Variants in LARGE1 observed in about 807,000 individuals in gnomAD.
LARGE1 encodes the protein xylosyl- and glucuronyltransferase LARGE1.
In LARGE1, 43 loss-of-function variants were observed where a neutral mutation model predicts 87.6. The observed-to-expected ratio is 0.49, with a 90% CI of 0.38 to 0.63. The LOEUF (loss-of-function observed/expected upper bound fraction) is 0.63, where lower values mean the gene tolerates loss of function less well. LARGE1 is among the 30% of genes least tolerant of loss of function. The pLI, the probability that LARGE1 is intolerant of heterozygous loss-of-function variation, is 0.00. For missense variants in LARGE1, 802 were observed against 1,000.2 expected, an observed-to-expected ratio of 0.80 and a Z score of 2.67; for synonymous variants, 434 against 394.6, an observed-to-expected ratio of 1.10 and a Z score of -1.18.
intron 6 of LARGE1, among the ~76,000 whole-genome samples, chr22:33,500,640 G>A (rs1047460169): frequency 2.0e-5 from 3 of 152,100 alleles, no homozygotes; most frequent in Non-Finnish European, 4.4e-5. Context: ...TTTGACTTCA[G>A]GCAAACTACT....
chr22:33,209,496 C>T (rs1298853927), intron 11 of LARGE1, among the ~76,000 whole-genome samples: 3 of 152,176 alleles, frequency 2.0e-5, no homozygotes, highest in African/African-American at 7.2e-5. Flanking sequence ...CTGACCCCTG[C>T]TCCAAAAAAT....
intron 1 of LARGE1, among the ~76,000 whole-genome samples, chr22:33,876,542 A>G (rs1466583862): frequency 6.6e-6 from 1 of 152,158 alleles, no homozygotes; most frequent in Non-Finnish European, 1.5e-5. Flanking sequence ...AAACTAACAC[A>G]GGAACAGAAA....
intron 1 of LARGE1, among the ~76,000 whole-genome samples, chr22:33,894,244 C>T (rs369060677): frequency 2.8e-4 from 43 of 152,298 alleles, no homozygotes; most frequent in African/African-American, 1.0e-3. Flanking sequence ...GCTGCCTATG[C>T]AGATCACCTG....
At chr22:33,245,039 T>C (rs150608276) in intron 11 of LARGE1, among the ~76,000 whole-genome samples, 2 of 152,352 alleles carry the variant, frequency 1.3e-5, no homozygotes, top group Non-Finnish European at 2.9e-5. Flanking sequence ...GTGTAAGCAA[T>C]GAAACCAGCC....
At chr22:33,070,875 G>A in the LARGE1 span, among the ~76,000 whole-genome samples, 1 of 152,170 alleles carries the variant, frequency 6.6e-6, no homozygotes, top group Non-Finnish European at 1.5e-5. Flanking sequence ...AGTAGTTTGG[G>A]TTTCTTAAAG....
chr22:33,499,851 G>C (rs1164255397), intron 6 of LARGE1, among the ~76,000 whole-genome samples: 3 of 152,166 alleles, frequency 2.0e-5, no homozygotes, highest in Non-Finnish European at 2.9e-5. Flanking sequence ...TCGGCTCACT[G>C]CAACCTCCGC....
chr22:33,894,373 C>T (rs1288498854), intron 1 of LARGE1, among the ~76,000 whole-genome samples: 1 of 152,128 alleles, frequency 6.6e-6, no homozygotes, highest in Non-Finnish European at 1.5e-5. Flanking sequence ...AGTACACATC[C>T]TAGGTGAGAA....
intron 11 of LARGE1, among the ~76,000 whole-genome samples, chr22:33,217,367 G>C (rs1008346277): frequency 4.6e-5 from 7 of 152,108 alleles, no homozygotes; most frequent in Admixed American, 1.3e-4. Flanking sequence ...TGGGGGTTGA[G>C]CTCAGCAATC....
At chr22:33,505,709 G>A (rs2070729685) in intron 6 of LARGE1, among the ~76,000 whole-genome samples, 1 of 152,148 alleles carries the variant, frequency 6.6e-6, no homozygotes, top group Non-Finnish European at 1.5e-5. Flanking sequence ...CTGTGCACAG[G>A]CTACCTGATG....
At chr22:33,278,751 C>T (rs1159167195) in intron 13 of LARGE1, among the ~76,000 whole-genome samples, 4 of 152,002 alleles carry the variant, frequency 2.6e-5, no homozygotes, top group African/African-American at 7.3e-5. Flanking sequence ...GATGGAGTCT[C>T]GCTCTGTCTC....
chr22:33,157,899 T>C (rs1921920340), downstream of LARGE1, among the ~76,000 whole-genome samples: 2 of 152,096 alleles, frequency 1.3e-5, no homozygotes, highest in African/African-American at 4.8e-5. Flanking sequence ...CAACCTAGAT[T>C]TGTAGACCCA....
intron 1 of LARGE1, among the ~76,000 whole-genome samples, chr22:33,898,270 C>T (rs997333184): frequency 1.1e-4 from 17 of 152,258 alleles, no homozygotes; most frequent in African/African-American, 3.1e-4. Flanking sequence ...TGAGCCTACA[C>T]GGTTCCCTTG....
intron 9 of LARGE1, among the ~76,000 whole-genome samples, chr22:33,350,711 G>GC (rs924505567): frequency 6.6e-6 from 1 of 152,166 alleles, no homozygotes; most frequent in African/African-American, 2.4e-5. Context: ...CTTCCGTGAG[G>GC]CCCACTATTG....
chr22:33,888,831 T>A (rs1160420614), intron 1 of LARGE1, among the ~76,000 whole-genome samples: 2 of 152,214 alleles, frequency 1.3e-5, no homozygotes, highest in Non-Finnish European at 2.9e-5. Context: ...CACTCCAGCC[T>A]GGGCAACAGG....
chr22:33,191,726 A>T lies in LARGE1; in HGVS notation c.1731-24894T>A, dbSNP rs537425779. Among the ~76,000 whole-genome samples the T allele has an allele frequency of 3.3e-5, 5 of 152,360 alleles. No individual in the cohort carries two copies. The South Asian group carries it at 1.0e-3, about 32-fold the overall frequency. On this transcript the variant is annotated intron_variant, in intron 11 of 11. Coordinates refer to the LARGE1 transcript ENST00000608642. The stretch of plus-strand genomic sequence containing the variant: ...AATCTACAGGGTTTCTAGAAGGGTC[A>T]TGTAGGCATTGGTGAGTGGCCCTTT...
chr22:33,812,615 C>T (rs1406894213), intron 1 of LARGE1, among the ~76,000 whole-genome samples: 1 of 152,240 alleles, frequency 6.6e-6, no homozygotes, highest in Non-Finnish European at 1.5e-5. Flanking sequence ...GCGCAGGCCT[C>T]ACCAGGCCAT....
rs763653640 is a variant in LARGE1 at position 33,887,907 on chromosome 22, C to T, written c.-83+32088G>A. On this transcript the variant is annotated intron_variant, in intron 1 of 14. Transcript: ENST00000397394. Reference sequence around the variant, plus strand: ...CAACGCCAATACAAGTTTCAGTGAACGTCACATACGTTTGTTTCTATTCCC... The same window carrying T: ...CAACGCCAATACAAGTTTCAGTGAATGTCACATACGTTTGTTTCTATTCCC... Among the ~76,000 whole-genome samples, 4 of 152,208 alleles carry T rather than the reference C, an allele frequency of 2.6e-5. No homozygotes were observed. The South Asian group carries it at 6.2e-4, about 24-fold the overall frequency.
chr22:33,623,181 T>C (rs1189423590), intron 4 of LARGE1, among the ~76,000 whole-genome samples: 1 of 151,028 alleles, frequency 6.6e-6, no homozygotes, highest in Non-Finnish European at 1.5e-5. Context: ...TGATACGTCA[T>C]GGCAACAAGT....
At chr22:33,267,960 AT>A (rs397940812), downstream of LARGE1, among the ~76,000 whole-genome samples, 111 of 145,532 alleles carry the variant, frequency 7.6e-4, no homozygotes, top group African/African-American at 1.1e-3. Context: ...AAATTCAAGA[AT>A]TTTTTTTTTT....
Sources: gnomAD v4.1 joint callset for allele counts (sites outside exome capture counted in the v4.1 genomes callset) on GRCh38, gnomAD v4.1.1 for gene constraint, MANE v1.5 for transcripts, NCBI Gene and HGNC (gene_info 2026-07-23, HGNC 2026-07-21) for gene names.